Variants in PTGER3 observed in about 807,000 individuals in gnomAD.
The protein encoded by PTGER3 is prostaglandin E2 receptor EP3 subtype.
PTGER3 carries 22 observed loss-of-function variants against 34.7 expected under a neutral mutation model. The ratio of observed to expected loss-of-function variants is 0.63; its 90% CI spans 0.45 to 0.91. PTGER3 has a LOEUF of 0.91. PTGER3 is among the 40% of genes least tolerant of loss of function. PTGER3 has a pLI of 0.00. For missense variants in PTGER3, 468 were observed against 519.4 expected, an observed-to-expected ratio of 0.90 and a Z score of 0.96; for synonymous variants, 241 against 230.1, an observed-to-expected ratio of 1.05 and a Z score of -0.43.
At chr1:70,962,463 A>G (rs555871493) in intron 2 of PTGER3, among the ~76,000 whole-genome samples, 25 of 152,096 alleles carry the variant, frequency 1.6e-4, no homozygotes, top group Non-Finnish European at 2.9e-4. Flanking sequence ...ACAAAGACAT[A>G]CCTGAGACTG....
At chr1:70,998,879 C>G (rs1656219614) in intron 2 of PTGER3, among the ~76,000 whole-genome samples, 1 of 152,026 alleles carries the variant, frequency 6.6e-6, no homozygotes, top group Non-Finnish European at 1.5e-5. Context: ...GGATAAGTAC[C>G]ATATTTAAAA....
At chr1:70,860,051 G>T (rs185415678) in intron 4 of PTGER3, among the ~76,000 whole-genome samples, 65 of 151,836 alleles carry the variant, frequency 4.3e-4, no homozygotes, top group Middle Eastern at 3.4e-3. Flanking sequence ...TAGAGTGGGT[G>T]GGGGGGAGTG....
chr1:70,913,926 G>A (rs1647116981), intron 4 of PTGER3, among the ~76,000 whole-genome samples: 1 of 151,838 alleles, frequency 6.6e-6, no homozygotes, highest in Non-Finnish European at 1.5e-5. Flanking sequence ...ATGTTATGTA[G>A]TTTGCACTCT....
intron 1 of PTGER3, among the ~76,000 whole-genome samples, chr1:71,039,792 A>G (rs1271790428): frequency 6.6e-6 from 1 of 152,106 alleles, no homozygotes; most frequent in Non-Finnish European, 1.5e-5. Flanking sequence ...GTGAAACACT[A>G]CTTGCCTCCT....
intron 4 of PTGER3, among the ~76,000 whole-genome samples, chr1:70,914,212 CAT>C (rs1026433597): frequency 2.0e-5 from 3 of 151,792 alleles, no homozygotes; most frequent in Non-Finnish European, 2.9e-5. Flanking sequence ...GGGGATGAAT[CAT>C]GTGAAGGATG....
chr1:70,974,408 T>G lies in PTGER3; in HGVS notation c.1078-20A>C. 1 of 869,284 alleles carries G rather than the reference T, an allele frequency of 1.2e-6. No homozygotes were observed. Among genetic ancestry groups the G allele is most frequent in the South Asian group, 1.3e-5 (1 of 75,540 alleles). The allele number at this position is 869,284 out of a possible 1,614,324, so 53.8% of individuals were successfully genotyped here. ...CCTGATCTGTGAACAGACAGAGGATTTCACAGGACACTTCCTTGAGTATTT... is the reference window on the plus strand; with the variant it reads ...CCTGATCTGTGAACAGACAGAGGATGTCACAGGACACTTCCTTGAGTATTT... On this transcript the variant is annotated intron_variant, in intron 2 of 3. Coordinates refer to ENST00000306666, the MANE Select transcript of PTGER3 (RefSeq NM_198719.2).
At chr1:70,948,201 A>C (rs1650399649), downstream of PTGER3, among the ~76,000 whole-genome samples, 1 of 151,972 alleles carries the variant, frequency 6.6e-6, no homozygotes, top group Non-Finnish European at 1.5e-5. Context: ...CCCCACCCAA[A>C]TCTCTGCTTG....
chr1:70,884,365 A>G (rs11805293), intron 4 of PTGER3, among the ~76,000 whole-genome samples: 5,799 of 152,258 alleles, frequency 0.038, 277 homozygotes, highest in East Asian at 0.22. Flanking sequence ...ATGTTACATT[A>G]TATTGCCAAA....
chr1:70,876,281 G>A (rs541238340), intron 4 of PTGER3, among the ~76,000 whole-genome samples: 2 of 132,256 alleles, frequency 1.5e-5, no homozygotes, highest in Non-Finnish European at 3.3e-5. Flanking sequence ...TTTTTAATGG[G>A]TTTTTTTTTT....
intron 4 of PTGER3, among the ~76,000 whole-genome samples, chr1:70,854,873 C>T: frequency 6.6e-6 from 1 of 152,122 alleles, no homozygotes; most frequent in East Asian, 1.9e-4. Context: ...TGTGCACTGT[C>T]AATGGGAATT....
chr1:71,047,157 C>G lies in PTGER3; in HGVS notation c.421G>C (p.Gly141Arg). ...CTGGCGATGAACAACGAGGAGAGCC[C>G]GAAAACAGTCATGGTCAGCCCGAAA... ...TFFGLTMTVF[G>R]LSSLFIASAM... is the part of the protein sequence containing the mutation. The change falls in exon 1 of 4, where the codon GGG (glycine) becomes CGG (arginine). Residue 141 changes from glycine (G) to arginine (R), a missense_variant. Around this residue, in one of 5 missense-constraint regions of PTGER3, gnomAD observed 53 missense variants for 93.9 expected, o/e 0.56. Transcript: ENST00000306666. 7 of 1,600,454 alleles carry G rather than the reference C, an allele frequency of 4.4e-6. No individual in the cohort carries two copies. Among genetic ancestry groups the G allele is most frequent in the Non-Finnish European group, 6.0e-6 (7 of 1,173,806 alleles).
At chr1:70,959,718 C>A (rs554865840) in intron 2 of PTGER3, among the ~76,000 whole-genome samples, 2 of 151,972 alleles carry the variant, frequency 1.3e-5, no homozygotes. Context: ...CCAGGGCTGA[C>A]GTGTCATTGA....
chr1:70,858,339 C>A (rs1160035431), intron 4 of PTGER3, among the ~76,000 whole-genome samples: 2 of 151,858 alleles, frequency 1.3e-5, no homozygotes, highest in African/African-American at 2.4e-5. Flanking sequence ...CTAAATGTAC[C>A]AGTAATTATA....
intron 2 of PTGER3, among the ~76,000 whole-genome samples, chr1:71,001,106 G>A (rs948924052): frequency 2.0e-5 from 3 of 152,042 alleles, no homozygotes; most frequent in African/African-American, 7.2e-5. Flanking sequence ...GTTAGAATGG[G>A]GACTGTGGGT....
chr1:71,004,095 C>CA (rs1339035059), intron 2 of PTGER3, among the ~76,000 whole-genome samples: 2 of 152,192 alleles, frequency 1.3e-5, no homozygotes, highest in Non-Finnish European at 2.9e-5. Context: ...ATGTTCTTTG[C>CA]AAAATCAGAT....
At chr1:71,040,391 C>T (rs1660210060) in intron 1 of PTGER3, among the ~76,000 whole-genome samples, 1 of 151,918 alleles carries the variant, frequency 6.6e-6, no homozygotes, top group South Asian at 2.1e-4. Flanking sequence ...CACAGGAGGA[C>T]AGGAGTTTGA....
At chr1:71,019,499 G>A (rs1381111591) in intron 1 of PTGER3, among the ~76,000 whole-genome samples, 3 of 152,106 alleles carry the variant, frequency 2.0e-5, no homozygotes, top group Non-Finnish European at 4.4e-5. Context: ...TGAGATAACT[G>A]GGAACACAAC....
At chr1:70,944,334 A>C (rs377284443) in intron 4 of PTGER3, among the ~76,000 whole-genome samples, 4 of 152,084 alleles carry the variant, frequency 2.6e-5, no homozygotes, top group Non-Finnish European at 4.4e-5. Context: ...TTTTTTTACC[A>C]CTGAAATTTC....
intron 2 of PTGER3, chr1:71,009,045 G>A (rs1412541203): frequency 2.0e-6 from 2 of 984,894 alleles, no homozygotes; most frequent in Middle Eastern, 5.2e-4. Flanking sequence ...AACTATTAGT[G>A]ATTGCTGATG....
Sources: gnomAD v4.1 joint callset for allele counts (sites outside exome capture counted in the v4.1 genomes callset) on GRCh38, gnomAD v4.1.1 for gene constraint, gnomAD v4.1.1 regional missense constraint, MANE v1.5 for transcripts, NCBI Gene and HGNC (gene_info 2026-07-23, HGNC 2026-07-21) for gene names.